The following GALK2 variants were observed in gnomAD, a reference collection of about 807,000 sequenced individuals.
GALK2 encodes N-acetylgalactosamine kinase.
A neutral mutation model predicts 52.4 loss-of-function variants in GALK2; 36 were observed. The ratio of observed to expected loss-of-function variants is 0.69; its 90% CI spans 0.53 to 0.91. The LOEUF (loss-of-function observed/expected upper bound fraction) is 0.91, where lower values mean the gene tolerates loss of function less well. GALK2 is among the 40% of genes least tolerant of loss of function. The probability of loss-of-function intolerance (pLI) is 0.00; values close to 1 mark genes in which losing one functional copy is unlikely to be tolerated. For missense variants in GALK2, 579 were observed against 559.1 expected, an observed-to-expected ratio of 1.04 and a Z score of -0.36; for synonymous variants, 176 against 199.1, an observed-to-expected ratio of 0.88 and a Z score of 0.98.
intron 8 of GALK2, 149 bp downstream of exon 8, chr15:49,292,686 A>G: frequency 1.5e-6 from 1 of 659,794 alleles, no homozygotes; most frequent in East Asian, 2.7e-5. Flanking sequence ...AGCTTCATAA[A>G]TGTATTCATT....
Position 49,365,497 on chromosome 15 carries a change from G to A in GALK2, c.427-1994G>A, listed in dbSNP as rs1302892119. 37 of 860,570 alleles carry A rather than the reference G, an allele frequency of 4.3e-5. No individual in the cohort carries two copies. In the Admixed American group the frequency reaches 4.9e-4, roughly 11 times the overall value. 53.3% of individuals were successfully genotyped at this position (860,570 alleles called of 1,614,324 possible). A position where few individuals can be genotyped will look rare whatever the true frequency, so the allele number is the denominator to read the frequency against. ...AGGCATGATGCACACACTCATTACT[G>A]AGAAACAGATCAGCTTTGGTACTCT... On this transcript the variant is annotated intron_variant, in intron 3 of 3. Transcript: ENST00000558399.
rs1158159852 is a variant in GALK2 at position 49,330,848 on chromosome 15, G to C, written c.*2689G>C. On this transcript the variant is annotated 3_prime_UTR_variant, in exon 10 of 10. Coordinates refer to ENST00000560031, the MANE Select transcript of GALK2 (RefSeq NM_002044.4). ...ATGTGCCTGCTGTCCCAGCTACTCA[G>C]GAGGCTGAGGCAGGAGGATCACTTG... The C allele has an allele frequency of 6.6e-6, 1 of 152,198 alleles. No homozygotes were observed. Among genetic ancestry groups the C allele is most frequent in the Non-Finnish European group, 1.5e-5 (1 of 68,080 alleles). The allele number at this position is 152,198 out of a possible 1,614,324, so 9.4% of individuals were successfully genotyped here. A position where few individuals can be genotyped will look rare whatever the true frequency, so the allele number is the denominator to read the frequency against.
At chr15:49,363,415 T>C (rs1310329554) in intron 3 of GALK2, among the ~76,000 whole-genome samples, 1 of 152,128 alleles carries the variant, frequency 6.6e-6, no homozygotes, top group Non-Finnish European at 1.5e-5. Context: ...CTTGATTTGA[T>C]TCTCAGCTTG....
intron 5 of GALK2, among the ~76,000 whole-genome samples, chr15:49,257,802 G>A (rs2091875970): frequency 6.6e-6 from 1 of 151,354 alleles, no homozygotes; most frequent in African/African-American, 2.4e-5. Flanking sequence ...ATAACCCTAG[G>A]TTTTTCCTGA....
At chr15:49,264,410 T>A (rs1248232516) in intron 5 of GALK2, among the ~76,000 whole-genome samples, 7 of 152,308 alleles carry the variant, frequency 4.6e-5, no homozygotes, top group Admixed American at 1.3e-4. Flanking sequence ...AGCCTTGGCT[T>A]TCAGCTCCAT....
At chr15:49,352,189 C>A (rs1436826552) in intron 3 of GALK2, among the ~76,000 whole-genome samples, 1 of 152,176 alleles carries the variant, frequency 6.6e-6, no homozygotes. Context: ...CAAGAGCAAG[C>A]ATCCCAAAAG....
exon 1 of GALK2, chr15:49,155,900 C>A: frequency 7.5e-7 from 1 of 1,336,638 alleles, no homozygotes; most frequent in South Asian, 1.2e-5. Context: ...GGTAAAGGAG[C>A]AGTCTCCTCC....
intron 1 of GALK2, chr15:49,195,043 C>T (rs916824994): frequency 2.2e-6 from 1 of 448,062 alleles, no homozygotes; most frequent in South Asian, 1.6e-5. Flanking sequence ...TTATCCAAAA[C>T]AGGGATATCT....
In GALK2 at chr15:49,265,379, T is replaced by G. The variant is rs1279430253; in HGVS notation, c.505-16608T>G. On this transcript the variant is annotated intron_variant, in intron 5 of 9. Transcript: ENST00000560031. ...TGGGCATAGGACCCTCTGAGCCAGG[T>G]GCAGGATATAATCTCCTGGTGTGCC... 2.6e-5 allele frequency among the ~76,000 whole-genome samples: 4 copies of G among 152,200 alleles called. No individual in the cohort carries two copies. The East Asian group carries it at 7.7e-4, about 29-fold the overall frequency.
intron 6 of GALK2, among the ~76,000 whole-genome samples, chr15:49,283,357 T>A (rs1273842177): frequency 6.6e-6 from 1 of 152,224 alleles, no homozygotes; most frequent in African/African-American, 2.4e-5. Context: ...TCTTTCCCAC[T>A]TGATTGCGGG....
At chr15:49,358,400 A>C (rs1254463887) in intron 3 of GALK2, among the ~76,000 whole-genome samples, 1 of 123,696 alleles carries the variant, frequency 8.1e-6, no homozygotes, top group East Asian at 2.3e-4. Context: ...CTCAGGATAC[A>C]AAATCAATGT....
chr15:49,332,087 C>CCCCACA (rs907403896), downstream of GALK2, among the ~76,000 whole-genome samples: 1 of 127,854 alleles, frequency 7.8e-6, no homozygotes, highest in African/African-American at 2.6e-5. Context: ...TGCACACGTG[C>CCCCACA]CACACACACA....
chr15:49,243,286 G>A (rs983965136), intron 5 of GALK2, among the ~76,000 whole-genome samples: 1 of 152,178 alleles, frequency 6.6e-6, no homozygotes, highest in Admixed American at 6.5e-5. Context: ...AAGGCAGGAC[G>A]AGAAAGACTT....
chr15:49,278,604 G>A (rs891063789), intron 5 of GALK2, among the ~76,000 whole-genome samples: 1 of 152,310 alleles, frequency 6.6e-6, no homozygotes, highest in East Asian at 1.9e-4. Flanking sequence ...TGTGGCTAGG[G>A]AGGTGGGTAT....
At chr15:49,303,892 A>G (rs910582762) in intron 8 of GALK2, among the ~76,000 whole-genome samples, 1 of 152,242 alleles carries the variant, frequency 6.6e-6, no homozygotes, top group African/African-American at 2.4e-5. Flanking sequence ...ACTTGTAAAT[A>G]TATGTATTTA....
intron 8 of GALK2, among the ~76,000 whole-genome samples, chr15:49,314,551 G>A (rs2036250417): frequency 6.6e-6 from 1 of 152,172 alleles, no homozygotes; most frequent in African/African-American, 2.4e-5. Flanking sequence ...GTGCAGTTTT[G>A]TTACAAGGAG....
chr15:49,345,955 A>T (rs1468696311), intron 3 of GALK2, among the ~76,000 whole-genome samples: 7 of 152,084 alleles, frequency 4.6e-5, no homozygotes, highest in African/African-American at 1.4e-4. Context: ...CAAATTTCGT[A>T]CTTATCTGCC....
intron 3 of GALK2, among the ~76,000 whole-genome samples, chr15:49,231,025 C>T (rs557223410): frequency 4.5e-4 from 69 of 151,984 alleles, no homozygotes; most frequent in African/African-American, 1.6e-3. Flanking sequence ...TTCTGACAGA[C>T]TTGAGCCATA....
Position 49,155,882 on chromosome 15 carries a change from G to T in GALK2, c.-115G>T, listed in dbSNP as rs79788893. ...CTGCGCTCGCATCGAGCAGTTTCCA[G>T]CCTCCTGGGTAAAGGAGCAGTCTCC... On this transcript the variant is annotated 5_prime_UTR_variant, in exon 1 of 10. Coordinates refer to the GALK2 transcript ENST00000327171. The T allele has an allele frequency of 3.7e-3, 4,467 of 1,198,498 alleles. 139 individuals carry two copies. The African/African-American group carries it at 0.061, about 16-fold the overall frequency. The allele number at this position is 1,198,498 out of a possible 1,614,324, so 74.2% of individuals were successfully genotyped here.
Sources: gnomAD v4.1 joint callset for allele counts (sites outside exome capture counted in the v4.1 genomes callset) on GRCh38, gnomAD v4.1.1 for gene constraint, MANE v1.5 for transcripts, NCBI Gene and HGNC (gene_info 2026-07-23, HGNC 2026-07-21) for gene names.